The following TTC34 variants were observed in gnomAD, a reference collection of about 807,000 sequenced individuals.
TTC34 encodes the protein tetratricopeptide repeat domain 34.
TTC34 carries 44 observed loss-of-function variants against 40.7 expected under a neutral mutation model. The observed-to-expected ratio is 1.08, with a 90% CI of 0.85 to 1.39. The LOEUF is 1.39. Ranked by LOEUF, TTC34 falls within the 40% of genes most tolerant of loss-of-function variation. The pLI is 0.00. For synonymous variants in TTC34, 422 were observed against 398.6 expected (o/e 1.06, Z -0.70); for missense variants, 884 against 838.0 (o/e 1.05, Z -0.68).
At chr1:2,656,010 C>G (rs1427397688) in intron 6 of TTC34, among the ~76,000 whole-genome samples, 111 of 149,304 alleles carry the variant, frequency 7.4e-4, no homozygotes, top group Admixed American at 1.2e-3. Context: ...GAGCAGCACC[C>G]ACACCTCCCG....
intron 6 of TTC34, among the ~76,000 whole-genome samples, chr1:2,752,579 G>A (rs1641360470): frequency 7.3e-5 from 3 of 40,916 alleles, no homozygotes; most frequent in African/African-American, 2.7e-4. Flanking sequence ...GCACCCCCAG[G>A]TGAGAATCTG....
chr1:2,778,506 C>G (rs2100611038), intron 6 of TTC34, among the ~76,000 whole-genome samples: 1 of 152,336 alleles, frequency 6.6e-6, no homozygotes, highest in South Asian at 2.1e-4. Flanking sequence ...GGGTGGCCAG[C>G]AGATCACAGG....
At chr1:2,771,360 C>A (rs1475923664) in intron 6 of TTC34, among the ~76,000 whole-genome samples, 1 of 63,444 alleles carries the variant, frequency 1.6e-5, no homozygotes, top group Admixed American at 1.4e-4. Context: ...CAGAATTCTC[C>A]AACCACAGGT....
intron 6 of TTC34, among the ~76,000 whole-genome samples, chr1:2,655,409 GA>G (rs1639308793): frequency 2.4e-3 from 75 of 31,404 alleles, no homozygotes; most frequent in African/African-American, 0.011. Context: ...GAACAGCACC[GA>G]CACCCCCAGG....
intron 6 of TTC34, among the ~76,000 whole-genome samples, chr1:2,695,983 ACAGAACCCACACCCC>A (rs1640847089): frequency 2.3e-5 from 2 of 86,780 alleles, no homozygotes; most frequent in African/African-American, 4.6e-5. Flanking sequence ...ATAGCCTGGA[ACAGAACCCACACCCC>A]CAGGTGAGCA....
rs1467509721 is a variant in TTC34 at position 2,752,643 on chromosome 1, GCA to G, written c.2226+30964_2226+30965del. Among the ~76,000 whole-genome samples, 42 of 43,614 alleles carry G rather than the reference GCA, an allele frequency of 9.6e-4. 2 individuals are homozygous for G. Among genetic ancestry groups the G allele is most frequent in the African/African-American group, 4.4e-3 (39 of 8,864 alleles). 28.6% of individuals were successfully genotyped at this position (43,614 alleles called of 152,430 possible). ...GGCGAGCATCTGACACCCTGGAACT[GCA>G]CACACACCCCCAGGCGAGCATCTGA... On this transcript the variant is annotated intron_variant, in intron 6 of 8. Transcript: ENST00000401095.
chr1:2,789,755 C>G (rs1643640429), exon 3 of TTC34: 1 of 676,014 alleles, frequency 1.5e-6, no homozygotes, highest in Non-Finnish European at 2.2e-6. Flanking sequence ...CAGCAGTCCC[C>G]GGCCGCACAG....
In TTC34 at chr1:2,643,793, G is replaced by A. The variant is rs75884975; in HGVS notation, c.2712+471C>T. Among the ~76,000 whole-genome samples the A allele has an allele frequency of 5.4e-3, 823 of 152,326 alleles. 8 individuals are homozygous for A. Among genetic ancestry groups the A allele is most frequent in the African/African-American group, 0.018 (761 of 41,572 alleles). ...CCCCGGAGTGCTAGAACCCGCTGGT[G>A]TCAGGAAGCATTAAGGAGGTGAAAT... is the stretch of plus-strand genomic sequence containing the variant. On this transcript the variant is annotated intron_variant, in intron 8 of 8. Transcript: ENST00000401095.
At chr1:2,787,781 G>T (rs1162038812) in intron 3 of TTC34, 75 bp from the exon 4 acceptor site, 1 of 1,267,434 alleles carries the variant, frequency 7.9e-7, no homozygotes, top group African/African-American at 1.5e-5. Context: ...TGGGCAGTGG[G>T]GAAATCCCGT....
chr1:2,652,538 T>TCTGACAGCC (rs1256329769), intron 6 of TTC34, among the ~76,000 whole-genome samples: 5 of 9,150 alleles, frequency 5.5e-4, no homozygotes, highest in Non-Finnish European at 5.7e-4. Flanking sequence ...CAGGCGAGCA[T>TCTGACAGCC]TGGAAAGCCT....
intron 6 of TTC34, among the ~76,000 whole-genome samples, chr1:2,749,798 C>G (rs1425231625): frequency 1.2e-5 from 1 of 80,588 alleles, no homozygotes; most frequent in Non-Finnish European, 2.5e-5. Flanking sequence ...TGTATCAGCA[C>G]CCACACCCCC....
rs1458869502 is a variant in TTC34, at chr1:2,752,636, T to C, written c.2226+30973A>G. 4.7e-4 allele frequency among the ~76,000 whole-genome samples: 56 copies of C among 118,856 alleles called. 12 individuals carry two copies. Among genetic ancestry groups the C allele is most frequent in the African/African-American group, 2.0e-3 (54 of 26,736 alleles). The allele number at this position is 118,856 out of a possible 152,430, so 78.0% of individuals were successfully genotyped here. On this transcript the variant is annotated intron_variant, in intron 6 of 8. Coordinates refer to ENST00000401095, the Ensembl canonical transcript of TTC34. ...ACCCCCAGGCGAGCATCTGACACCC[T>C]GGAACTGCACACACACCCCCAGGCG...
rs1427995592 is a variant in TTC34, at chr1:2,641,724, G to C, written c.2884C>G (p.His962Asp). 17 of 1,535,200 alleles carry C rather than the reference G, an allele frequency of 1.1e-5. No individual in the cohort carries two copies. The East Asian group carries it at 3.2e-4, about 29-fold the overall frequency. The change falls in exon 9 of 9, where the codon CAT becomes GAT. Residue 962 changes from histidine (H) to aspartate (D), a missense_variant. Physicochemically the swap from His to Asp is moderately conservative, Grantham distance 81. Coordinates refer to ENST00000401095, the Ensembl canonical transcript of TTC34. ...TCCCCCAGCGCCTCCTGGAGCACATGGTCCAGGTCCCTAAGGGCCCGGCCA... is the reference window on the plus strand; with the variant it reads ...TCCCCCAGCGCCTCCTGGAGCACATCGTCCAGGTCCCTAAGGGCCCGGCCA...
At chr1:2,682,155 T>A (rs1365113102) in intron 6 of TTC34, among the ~76,000 whole-genome samples, 1 of 134,198 alleles carries the variant, frequency 7.5e-6, no homozygotes, top group Non-Finnish European at 1.6e-5. Context: ...CACCCCCAGG[T>A]GAGCATCCGA....
intron 6 of TTC34, among the ~76,000 whole-genome samples, chr1:2,685,975 T>C (rs1162459903): frequency 1.9e-5 from 2 of 102,616 alleles, no homozygotes; most frequent in South Asian, 3.1e-4. Flanking sequence ...GGCGAGCATC[T>C]GACTGCATGT....
At chr1:2,652,059 T>G (rs1205110561) in intron 6 of TTC34, among the ~76,000 whole-genome samples, 1 of 54,402 alleles carries the variant, frequency 1.8e-5, no homozygotes, top group Non-Finnish European at 4.0e-5. Flanking sequence ...GGTGAGCATC[T>G]GACAGCCTGG....
rs1374060745 is a variant in TTC34 at position 2,755,659 on chromosome 1, A to G, written c.2226+27950T>C. Among the ~76,000 whole-genome samples, 8 of 116,954 alleles carry G rather than the reference A, an allele frequency of 6.8e-5. 3 individuals carry two copies. The highest frequency in any genetic ancestry group is 3.2e-4 in the African/African-American group (8 of 24,932). The allele number at this position is 116,954 out of a possible 152,430, so 76.7% of individuals were successfully genotyped here. A position where few individuals can be genotyped will look rare whatever the true frequency, so the allele number is the denominator to read the frequency against. On this transcript the variant is annotated intron_variant, in intron 6 of 8. Coordinates refer to ENST00000401095, the Ensembl canonical transcript of TTC34. ...CATCTGATGGTCTGGAGCAGCACCC[A>G]CAACCACAGGTGAGCATCTGACATC...
chr1:2,683,968 C>T (rs563357646), intron 6 of TTC34, among the ~76,000 whole-genome samples: 2,297 of 128,684 alleles, frequency 0.018, 35 homozygotes, highest in Admixed American at 0.083. Flanking sequence ...AGTTGAGCAT[C>T]TGACAGCCTG....
At chr1:2,641,937 G>A (rs2100985205) in intron 8 of TTC34, 42 bp from the exon 9 acceptor site, 5 of 1,434,532 alleles carry the variant, frequency 3.5e-6, no homozygotes, top group Middle Eastern at 5.0e-4. Flanking sequence ...AGTGGGGTCA[G>A]CCCCAAAAGC....
Sources: allele counts gnomAD v4.1 joint callset (sites outside exome capture counted in the v4.1 genomes callset), GRCh38; gene constraint gnomAD v4.1.1; transcripts MANE v1.5; gene names NCBI Gene and HGNC (gene_info 2026-07-23, HGNC 2026-07-21).